The following ATP10A variants were observed in gnomAD, a reference collection of about 807,000 sequenced individuals.
ATP10A encodes phospholipid-transporting ATPase VA.
A neutral mutation model predicts 147.8 loss-of-function variants in ATP10A; 111 were observed. That is an observed-to-expected ratio of 0.75 (90% CI 0.64 to 0.88). The LOEUF is 0.88. Among genes scored for constraint, ATP10A ranks in the 40% least tolerant of loss-of-function variants. The pLI, the probability that ATP10A is intolerant of heterozygous loss-of-function variation, is 0.00. For missense variants in ATP10A, 1,927 were observed against 1,959.0 expected (o/e 0.98, Z 0.31); for synonymous variants, 875 against 841.6 (o/e 1.04, Z -0.69).
chr15:25,834,174 A>T (rs1381347668), intron 1 of ATP10A, among the ~76,000 whole-genome samples: 1 of 152,252 alleles, frequency 6.6e-6, no homozygotes, highest in Non-Finnish European at 1.5e-5. Context: ...TCAATTAAAA[A>T]TAATAATTTA....
chr15:25,702,040 C>A lies in ATP10A; in HGVS notation c.2636G>T (p.Arg879Leu), dbSNP rs184009994. 3.1e-6 allele frequency: 5 copies of A among 1,614,050 alleles called. No homozygotes were observed. The African/African-American group carries it at 6.7e-5, about 22-fold the overall frequency. The change falls in exon 13 of 21, where the codon CGT (arginine) becomes CTT (leucine). Residue 879 changes from arginine to leucine, a missense_variant. By Grantham distance (102) the Arg-to-Leu change is moderately radical. Transcript: ENST00000555815. ...AACCCAAATCTGCAGGCCCGCTTGACGCAATTTAGAAATAGTTTCAGGGAC... is the reference window on the plus strand; with the variant it reads ...AACCCAAATCTGCAGGCCCGCTTGAAGCAATTTAGAAATAGTTTCAGGGAC... Reference protein sequence around the residue: ...DGVPETISKLRQAGLQIWVLT... With the variant: ...DGVPETISKLLQAGLQIWVLT...
intron 16 of ATP10A, 151 bp downstream of exon 16, chr15:25,687,552 C>A: frequency 1.2e-6 from 1 of 831,950 alleles, no homozygotes; most frequent in Non-Finnish European, 1.8e-6. Context: ...AGAGCCAGCC[C>A]AGGACAGGGG....
At chr15:25,854,041 T>C (rs1893404879) in intron 1 of ATP10A, among the ~76,000 whole-genome samples, 1 of 151,682 alleles carries the variant, frequency 6.6e-6, no homozygotes, top group South Asian at 2.1e-4. Context: ...TGAACTAAAA[T>C]CAATAAATTA....
intron 2 of ATP10A, among the ~76,000 whole-genome samples, chr15:25,760,941 T>A (rs1211526076): frequency 6.6e-6 from 1 of 152,220 alleles, no homozygotes; most frequent in Non-Finnish European, 1.5e-5. Context: ...AATGAAAGAC[T>A]AAGTCTTTGC....
Position 25,687,722 on chromosome 15 carries a change from T to C in ATP10A, c.3272A>G (p.Tyr1091Cys), listed in dbSNP as rs746408584. Reference protein sequence around the residue: ...CYSRLANMVLYFFYKNTMFVG... With the variant: ...CYSRLANMVLCFFYKNTMFVG... ...ACCTACTGTGTTTTTGTAGAAGAAG[T>C]ACAGCACCATGTTGGCAAGTCGGGA... Residue 1091 changes from tyrosine to cysteine, a missense_variant, in exon 16 of 21, where the codon TAC (tyrosine) becomes TGC (cysteine). Coordinates refer to ENST00000555815, the MANE Select transcript of ATP10A (RefSeq NM_024490.4). 6.2e-7 allele frequency: 1 copy of C among 1,605,200 alleles called. No individual in the cohort carries two copies. The highest frequency in any genetic ancestry group is 8.5e-7 in the Non-Finnish European group (1 of 1,174,208).
intron 1 of ATP10A, among the ~76,000 whole-genome samples, chr15:25,812,012 AC>A (rs1275907927): frequency 6.6e-6 from 1 of 152,194 alleles, no homozygotes; most frequent in Non-Finnish European, 1.5e-5. Context: ...TATGGCTCTC[AC>A]CCAGCGCACG....
At chr15:25,783,324 C>T (rs561929006) in intron 1 of ATP10A, among the ~76,000 whole-genome samples, 10 of 152,318 alleles carry the variant, frequency 6.6e-5, no homozygotes, top group Non-Finnish European at 1.3e-4. Context: ...TCCAAGAGAG[C>T]AAGGAGTTTG....
chr15:25,677,126 A>C (rs2140263579), downstream of ATP10A: 1 of 152,078 alleles, frequency 6.6e-6, no homozygotes, highest in African/African-American at 2.4e-5. Context: ...TGACTAACCC[A>C]GCTATTTTGT....
At position 25,718,132 on chromosome 15, in the gene ATP10A, A is replaced by G. The variant is rs777375209; in HGVS notation, c.1581+50T>C. On this transcript the variant is annotated intron_variant, in intron 8 of 20. Coordinates refer to ENST00000555815, the MANE Select transcript of ATP10A (RefSeq NM_024490.4). ...CCTTCCATGAGCGGGGGATGGTGAA[A>G]ATGGGGAAGAGACGTGGCAGCACCC... The G allele has an allele frequency of 2.5e-6, 4 of 1,573,956 alleles. No homozygotes were observed. The African/African-American group carries it at 5.4e-5, about 21-fold the overall frequency.
intron 1 of ATP10A, among the ~76,000 whole-genome samples, chr15:25,814,133 T>A (rs537012321): frequency 1.3e-5 from 2 of 151,706 alleles, no homozygotes; most frequent in Non-Finnish European, 2.9e-5. Context: ...TCTTGAAAAC[T>A]GAGAAAAAAA....
At chr15:25,688,390 C>A (rs1408739819) in intron 15 of ATP10A, among the ~76,000 whole-genome samples, 2 of 152,182 alleles carry the variant, frequency 1.3e-5, no homozygotes, top group African/African-American at 2.4e-5. Flanking sequence ...CGGGTGCGGG[C>A]AGTGGCCGTG....
rs769840917 is a variant in ATP10A, at chr15:25,716,754, C to A, written c.1752G>T (p.Thr584=). The change falls in exon 9 of 21, where the codon ACG becomes ACT. Residue 584 remains threonine (T), a synonymous_variant. Coordinates refer to ENST00000555815, the MANE Select transcript of ATP10A (RefSeq NM_024490.4). Reference sequence around the variant, plus strand: ...CCTTTGTTCGTGGCTGATCCGGGGACGTGACGACGACTGTGTTGCAGATGG... The same window carrying A: ...CCTTTGTTCGTGGCTGATCCGGGGAAGTGACGACGACTGTGTTGCAGATGG... The part of the protein sequence containing the change: ...ALTICNTVVV[T]SPDQPRTKVR... The A allele has an allele frequency of 6.3e-7, 1 of 1,594,306 alleles. No individual in the cohort carries two copies.
intron 1 of ATP10A, among the ~76,000 whole-genome samples, chr15:25,855,028 C>T (rs1185206834): frequency 6.8e-6 from 1 of 146,380 alleles, no homozygotes; most frequent in East Asian, 2.0e-4. Flanking sequence ...CATTGCACTC[C>T]AGCCTGGGCA....
chr15:25,705,501 T>G (rs1384816171), intron 12 of ATP10A, among the ~76,000 whole-genome samples: 3 of 150,844 alleles, frequency 2.0e-5, no homozygotes, highest in African/African-American at 7.3e-5. Context: ...GATTTGGCTT[T>G]GGAATAGTAA....
chr15:25,834,248 A>C (rs1024814291), intron 1 of ATP10A, among the ~76,000 whole-genome samples: 1 of 152,214 alleles, frequency 6.6e-6, no homozygotes, highest in Non-Finnish European at 1.5e-5. Context: ...AATGGGGAAA[A>C]GTTTTTGCAA....
intron 2 of ATP10A, among the ~76,000 whole-genome samples, chr15:25,777,778 C>CTTT (rs141645308): frequency 3.3e-4 from 41 of 123,952 alleles, no homozygotes; most frequent in African/African-American, 5.2e-4. Context: ...TTTTTTCTTT[C>CTTT]TTTCTTTTTT....
chr15:25,787,545 G>T (rs1459513363), intron 1 of ATP10A, among the ~76,000 whole-genome samples: 1 of 150,848 alleles, frequency 6.6e-6, no homozygotes, highest in Non-Finnish European at 1.5e-5. Flanking sequence ...TGGGAAAGTT[G>T]AGGTGGCAGT....
chr15:25,695,029 G>A lies in ATP10A; in HGVS notation c.2878C>T (p.Pro960Ser). Residue 960 changes from proline to serine, a missense_variant, in exon 14 of 21, where the codon CCC becomes TCC. Pro to Ser is a moderately conservative substitution (Grantham distance 74). Coordinates refer to ENST00000555815, the MANE Select transcript of ATP10A (RefSeq NM_024490.4). ...VSMRFSSLCP[P>S]STSTASGRRP... Reference sequence around the variant, plus strand: ...CGGCCAGAGGCAGTGGACGTGGAGGGTGGGCAGAGAGAGGAGAACCTCATG... The same window carrying A: ...CGGCCAGAGGCAGTGGACGTGGAGGATGGGCAGAGAGAGGAGAACCTCATG... 1 of 1,614,204 alleles carries A rather than the reference G, an allele frequency of 6.2e-7. No homozygotes were observed. Among genetic ancestry groups the A allele is most frequent in the Non-Finnish European group, 8.5e-7 (1 of 1,180,046 alleles).
chr15:25,795,234 TCAGCCACACAGCCCA>T (rs774508963), intron 1 of ATP10A, among the ~76,000 whole-genome samples: 1 of 152,046 alleles, frequency 6.6e-6, no homozygotes, highest in Admixed American at 6.6e-5. Flanking sequence ...CCCCACCTTC[TCAGCCACACAGCCCA>T]CAGCCACACA....
Sources: allele counts gnomAD v4.1 joint callset (sites outside exome capture counted in the v4.1 genomes callset), GRCh38; gene constraint gnomAD v4.1.1; transcripts MANE v1.5; gene names NCBI Gene and HGNC (gene_info 2026-07-23, HGNC 2026-07-21).